The following GXYLT2 variants were observed in gnomAD, a reference collection of about 807,000 sequenced individuals.
GXYLT2 encodes glucoside xylosyltransferase 2, also known as glycosyltransferase 8 domain containing 4.
A neutral mutation model predicts 45.8 loss-of-function variants in GXYLT2; 53 were observed. The ratio of observed to expected loss-of-function variants is 1.16; its 90% CI spans 0.93 to 1.46. The LOEUF is 1.46. GXYLT2 is among the 40% of genes most tolerant of loss of function. The probability of loss-of-function intolerance (pLI) is 0.00; values close to 1 mark genes in which losing one functional copy is unlikely to be tolerated. For synonymous variants in GXYLT2, 219 were observed against 214.2 expected (o/e 1.02, Z -0.19); for missense variants, 551 against 544.4 (o/e 1.01, Z -0.12).
intron 1 of GXYLT2, among the ~76,000 whole-genome samples, chr3:72,899,354 T>C (rs1374650868): frequency 2.6e-5 from 4 of 152,202 alleles, no homozygotes; most frequent in African/African-American, 9.6e-5. Flanking sequence ...AATAATGTCA[T>C]GAAGCCCCCT....
rs185346023 is a variant in GXYLT2, at chr3:72,930,689, G to C, written c.600+8354G>C. Among the ~76,000 whole-genome samples the C allele has an allele frequency of 6.6e-3, 957 of 145,458 alleles. 6 individuals are homozygous for C. The highest frequency in any genetic ancestry group is 0.026 in the Middle Eastern group (7 of 266). ...GCTCACTGCAGCCTTGACCTCCCAG[G>C]CTCAGGTGATCCTCCCACCTCAGCC... is the stretch of plus-strand genomic sequence containing the variant. On this transcript the variant is annotated intron_variant, in intron 3 of 6. Transcript: ENST00000389617.
chr3:72,942,272 AT>A (rs1395984389), intron 3 of GXYLT2, among the ~76,000 whole-genome samples: 1 of 152,140 alleles, frequency 6.6e-6, no homozygotes, highest in African/African-American at 2.4e-5. Flanking sequence ...AATTAAAAAA[AT>A]AAATACATAA....
At chr3:72,932,342 G>A (rs1199040878) in intron 3 of GXYLT2, among the ~76,000 whole-genome samples, 1 of 152,200 alleles carries the variant, frequency 6.6e-6, no homozygotes, top group African/African-American at 2.4e-5. Flanking sequence ...ACAGACATGA[G>A]CCACCGTACG....
chr3:72,970,899 G>A (rs776604582), intron 6 of GXYLT2, among the ~76,000 whole-genome samples: 2 of 152,170 alleles, frequency 1.3e-5, no homozygotes, highest in Non-Finnish European at 2.9e-5. Flanking sequence ...GTTGACTTCT[G>A]TACAGGGAAA....
At chr3:72,900,681 G>A (rs1007305966) in intron 1 of GXYLT2, among the ~76,000 whole-genome samples, 7 of 151,596 alleles carry the variant, frequency 4.6e-5, no homozygotes, top group African/African-American at 1.7e-4. Flanking sequence ...GCCTCCCAAA[G>A]TGCTGGGAAT....
chr3:72,910,184 A>G (rs986625727), intron 2 of GXYLT2, among the ~76,000 whole-genome samples: 1 of 152,184 alleles, frequency 6.6e-6, no homozygotes, highest in Non-Finnish European at 1.5e-5. Context: ...AGTTCATCTC[A>G]TTTAATCCTC....
At chr3:72,973,493 G>A (rs1711037476) in intron 6 of GXYLT2, among the ~76,000 whole-genome samples, 1 of 152,174 alleles carries the variant, frequency 6.6e-6, no homozygotes. Context: ...AAAGTGATAG[G>A]CTCTGATTTA....
intron 6 of GXYLT2, among the ~76,000 whole-genome samples, chr3:72,969,093 C>T (rs185680887): frequency 6.6e-6 from 1 of 151,642 alleles, no homozygotes; most frequent in African/African-American, 2.4e-5. Context: ...AGGTTCTTGC[C>T]TCTTTATGGA....
At chr3:72,950,928 C>T (rs1485319646) in intron 3 of GXYLT2, among the ~76,000 whole-genome samples, 1 of 152,152 alleles carries the variant, frequency 6.6e-6, no homozygotes, top group East Asian at 1.9e-4. Context: ...GCAGGAAGAT[C>T]CATTACATTA....
At chr3:72,932,366 T>C (rs1336038435) in intron 3 of GXYLT2, among the ~76,000 whole-genome samples, 1 of 152,198 alleles carries the variant, frequency 6.6e-6, no homozygotes, top group African/African-American at 2.4e-5. Context: ...CCCACTTTAA[T>C]AGTGTCATTG....
rs537084305 is a variant in GXYLT2 at position 72,964,317 on chromosome 3, C to CT, written c.977-3221dup. On this transcript the variant is annotated intron_variant, in intron 5 of 6. Coordinates refer to ENST00000389617, the MANE Select transcript of GXYLT2 (RefSeq NM_001080393.2). ...TTGCAAAGAGAGAAAAGGTTTCTCTCTTTTTTTTTCTTTTCTTTTTTTTGA... is the reference window on the plus strand; with the variant it reads ...TTGCAAAGAGAGAAAAGGTTTCTCTCTTTTTTTTTTCTTTTCTTTTTTTTGA... Among the ~76,000 whole-genome samples, 9 of 151,202 alleles carry CT rather than the reference C, an allele frequency of 6.0e-5. No homozygotes were observed. In the East Asian group the frequency reaches 1.8e-3, roughly 30 times the overall value.
intron 5 of GXYLT2, among the ~76,000 whole-genome samples, chr3:72,963,669 ATTTTTTTTT>A (rs34028884): frequency 1.6e-5 from 2 of 123,396 alleles, no homozygotes; most frequent in Non-Finnish European, 3.3e-5. Context: ...TGCCTAGCTA[ATTTTTTTTT>A]TTTTTTTTTT....
chr3:72,975,167 G>A lies in GXYLT2; in HGVS notation c.*8G>A, dbSNP rs377447427. 27 of 1,605,090 alleles carry A rather than the reference G, an allele frequency of 1.7e-5. No homozygotes were observed. Among genetic ancestry groups the A allele is most frequent in the South Asian group, 1.4e-4 (13 of 90,144 alleles). Reference sequence around the variant, plus strand: ...CCCAACCAGATGCACTGAATATTTTGTCTTGTTGCAAGTCAATTAGGTGTC... The same window carrying A: ...CCCAACCAGATGCACTGAATATTTTATCTTGTTGCAAGTCAATTAGGTGTC... On this transcript the variant is annotated 3_prime_UTR_variant, in exon 7 of 7. Transcript: ENST00000389617.
chr3:72,931,864 A>T (rs1305770067), intron 3 of GXYLT2, among the ~76,000 whole-genome samples: 1 of 152,176 alleles, frequency 6.6e-6, no homozygotes, highest in African/African-American at 2.4e-5. Context: ...TGAAAAGATC[A>T]ACAAAATTGA....
At chr3:72,952,644 G>T (rs958208707) in intron 3 of GXYLT2, among the ~76,000 whole-genome samples, 1 of 152,126 alleles carries the variant, frequency 6.6e-6, no homozygotes, top group Non-Finnish European at 1.5e-5. Context: ...GTGTCAGCAT[G>T]GTCAGGTTGT....
chr3:72,915,309 G>A (rs17010257), intron 2 of GXYLT2, among the ~76,000 whole-genome samples: 3,620 of 139,704 alleles, frequency 0.026, 162 homozygotes, highest in African/African-American at 0.091. Context: ...TTTAGAGGAC[G>A]GGGACCATGC....
intron 5 of GXYLT2, among the ~76,000 whole-genome samples, chr3:72,966,205 C>T (rs554729571): frequency 3.4e-4 from 51 of 151,886 alleles, no homozygotes; most frequent in African/African-American, 1.2e-3. Context: ...TCTCGAACTC[C>T]TGACCTCAAG....
At chr3:72,934,258 T>C (rs1710135630) in intron 3 of GXYLT2, among the ~76,000 whole-genome samples, 1 of 151,750 alleles carries the variant, frequency 6.6e-6, no homozygotes, top group African/African-American at 2.4e-5. Flanking sequence ...CTAATTTTTG[T>C]ATTTTTTTGT....
chr3:72,969,609 C>G (rs1193925282), intron 6 of GXYLT2, among the ~76,000 whole-genome samples: 5 of 152,082 alleles, frequency 3.3e-5, no homozygotes, highest in African/African-American at 4.8e-5. Flanking sequence ...AGTGCTAGGA[C>G]TACAGGTCTG....
Sources: allele counts gnomAD v4.1 joint callset (sites outside exome capture counted in the v4.1 genomes callset), GRCh38; gene constraint gnomAD v4.1.1; transcripts MANE v1.5; gene names NCBI Gene and HGNC (gene_info 2026-07-23, HGNC 2026-07-21).